The following SLC25A48 variants were observed in gnomAD, a reference collection of about 807,000 sequenced individuals.
SLC25A48 encodes the protein CTC-321K16.1.
A neutral mutation model predicts 32.2 loss-of-function variants in SLC25A48; 29 were observed. The ratio of observed to expected loss-of-function variants is 0.90; its 90% CI spans 0.67 to 1.23. The LOEUF (loss-of-function observed/expected upper bound fraction) is 1.23, where lower values mean the gene tolerates loss of function less well. Among genes scored for constraint, SLC25A48 ranks in the 50% most tolerant of loss-of-function variants. The probability of loss-of-function intolerance (pLI) is 0.00; values close to 1 mark genes in which losing one functional copy is unlikely to be tolerated. For synonymous variants in SLC25A48, 164 were observed against 172.3 expected, an observed-to-expected ratio of 0.95 and a Z score of 0.38; for missense variants, 399 against 422.7, an observed-to-expected ratio of 0.94 and a Z score of 0.49.
chr5:135,829,002 G>C (rs1758137151), intron 4 of SLC25A48, among the ~76,000 whole-genome samples: 1 of 152,144 alleles, frequency 6.6e-6, no homozygotes, highest in Non-Finnish European at 1.5e-5. Context: ...GAGACTTCTG[G>C]GTTCTGCCCT....
At chr5:135,604,798 G>GCAGCCC (rs143483555) in intron 1 of SLC25A48, among the ~76,000 whole-genome samples, 2,095 of 152,318 alleles carry the variant, frequency 0.014, 43 homozygotes, top group African/African-American at 0.047. Flanking sequence ...GTCCACAGCA[G>GCAGCCC]CAGCCCAGTG....
intron 3 of SLC25A48, among the ~76,000 whole-genome samples, chr5:135,667,323 G>A (rs1037621337): frequency 1.8e-4 from 27 of 152,144 alleles, no homozygotes; most frequent in African/African-American, 5.6e-4. Context: ...GATTGCCTGC[G>A]TGTCCTGCAA....
At position 135,780,204 on chromosome 5, in the gene SLC25A48, A is replaced by G. The variant is rs1432782315; in HGVS notation, c.-520-32319A>G. On this transcript the variant is annotated intron_variant, in intron 3 of 10. Transcript: ENST00000646290. ...TTTTTTTGAGACATTCTCCTGCCTCAGCCTCTCAAGTAGCTGGGACTACAG... is the reference window on the plus strand; with the variant it reads ...TTTTTTTGAGACATTCTCCTGCCTCGGCCTCTCAAGTAGCTGGGACTACAG... Among the ~76,000 whole-genome samples the G allele has an allele frequency of 1.1e-4, 8 of 73,020 alleles. 3 individuals are homozygous for G. The highest frequency in any genetic ancestry group is 2.4e-4 in the Non-Finnish European group (8 of 33,752). The allele number at this position is 73,020 out of a possible 152,430, so 47.9% of individuals were successfully genotyped here.
chr5:135,737,214 C>T lies in SLC25A48; in HGVS notation c.-520-75309C>T, dbSNP rs150672169. Among the ~76,000 whole-genome samples the T allele has an allele frequency of 5.2e-3, 780 of 149,242 alleles. 7 individuals carry two copies. The highest frequency in any genetic ancestry group is 0.018 in the African/African-American group (726 of 40,262). ...TCAGTGAAGGGAGATGGGGTGGGGC[C>T]GTTTTATAGGATTTGGGTAGGTAGT... is the stretch of plus-strand genomic sequence containing the variant. On this transcript the variant is annotated intron_variant, in intron 3 of 10. Coordinates refer to the SLC25A48 transcript ENST00000646290.
intron 1 of SLC25A48, among the ~76,000 whole-genome samples, chr5:135,580,849 C>G (rs1032686885): frequency 6.6e-6 from 1 of 152,146 alleles, no homozygotes; most frequent in Admixed American, 6.5e-5. Context: ...TGCATGTAGT[C>G]TTTAATAACC....
intron 1 of SLC25A48, among the ~76,000 whole-genome samples, chr5:135,625,785 ACT>A (rs1296278299): frequency 1.3e-5 from 2 of 151,530 alleles, no homozygotes; most frequent in Middle Eastern, 3.2e-3. Context: ...ACCACCCTAG[ACT>A]CTCTCCTATA....
At chr5:135,852,964 C>T (rs1195690826) in intron 4 of SLC25A48, 143 bp downstream of exon 4, 6 of 1,156,028 alleles carry the variant, frequency 5.2e-6, no homozygotes, top group Non-Finnish European at 7.2e-6. Context: ...TACAGGCATA[C>T]CTCGGAGACA....
At chr5:135,724,844 G>T (rs1755051253) in intron 3 of SLC25A48, among the ~76,000 whole-genome samples, 1 of 152,230 alleles carries the variant, frequency 6.6e-6, no homozygotes, top group Non-Finnish European at 1.5e-5. Flanking sequence ...GACAGCCCAT[G>T]GCAGAAACTG....
intron 2 of SLC25A48, among the ~76,000 whole-genome samples, chr5:135,630,183 G>A (rs747784949): frequency 1.3e-5 from 2 of 152,174 alleles, no homozygotes; most frequent in Non-Finnish European, 2.9e-5. Flanking sequence ...TGCTGATGTG[G>A]AGCCTGTCTG....
chr5:135,665,641 G>T (rs1047114092), intron 3 of SLC25A48, among the ~76,000 whole-genome samples: 5 of 151,898 alleles, frequency 3.3e-5, no homozygotes, highest in Non-Finnish European at 7.4e-5. Context: ...TTTACATGTG[G>T]CTAGCAAGTT....
At chr5:135,683,092 A>G (rs1226777335) in intron 3 of SLC25A48, among the ~76,000 whole-genome samples, 1 of 152,146 alleles carries the variant, frequency 6.6e-6, no homozygotes, top group Non-Finnish European at 1.5e-5. Context: ...TCCACTGTTA[A>G]CACTGCTTCC....
At chr5:135,795,525 A>G (rs1158498820) in intron 3 of SLC25A48, among the ~76,000 whole-genome samples, 1 of 151,704 alleles carries the variant, frequency 6.6e-6, no homozygotes, top group Non-Finnish European at 1.5e-5. Context: ...GAGGAAAGAG[A>G]TTGATATTAC....
chr5:135,845,965 G>A (rs1264830967), intron 2 of SLC25A48, among the ~76,000 whole-genome samples: 6 of 152,152 alleles, frequency 3.9e-5, no homozygotes, highest in African/African-American at 9.7e-5. Flanking sequence ...TCTAGACCAG[G>A]GGTCCCCAAC....
intron 3 of SLC25A48, among the ~76,000 whole-genome samples, chr5:135,787,545 A>G (rs1255616813): frequency 6.6e-6 from 1 of 151,694 alleles, no homozygotes; most frequent in Non-Finnish European, 1.5e-5. Context: ...GGGTGATGTT[A>G]CTCCTATTTT....
intron 1 of SLC25A48, among the ~76,000 whole-genome samples, chr5:135,595,661 C>T (rs1339002066): frequency 6.6e-6 from 1 of 152,128 alleles, no homozygotes; most frequent in African/African-American, 2.4e-5. Context: ...CATGCTAGCT[C>T]TGTTTCTTAG....
At chr5:135,698,299 G>T (rs1754313869) in intron 3 of SLC25A48, among the ~76,000 whole-genome samples, 1 of 152,204 alleles carries the variant, frequency 6.6e-6, no homozygotes, top group African/African-American at 2.4e-5. Flanking sequence ...AGTGCCCCAT[G>T]GTTGGACACA....
intron 3 of SLC25A48, among the ~76,000 whole-genome samples, chr5:135,670,350 T>A (rs1753625697): frequency 1.3e-5 from 2 of 152,174 alleles, no homozygotes; most frequent in Non-Finnish European, 2.9e-5. Context: ...GTGCAAGCTC[T>A]TTTCAGTTTT....
At chr5:135,839,738 C>T (rs113303061) in intron 1 of SLC25A48, among the ~76,000 whole-genome samples, 1 of 152,116 alleles carries the variant, frequency 6.6e-6, no homozygotes, top group Non-Finnish European at 1.5e-5. Flanking sequence ...ATGGGAGAGA[C>T]CCATGTGTCA....
chr5:135,796,106 C>T lies in SLC25A48; in HGVS notation c.-520-16417C>T, dbSNP rs529123714. 2.0e-5 allele frequency among the ~76,000 whole-genome samples: 3 copies of T among 150,242 alleles called. No homozygotes were observed. In the East Asian group the frequency reaches 6.0e-4, roughly 30 times the overall value. On this transcript the variant is annotated intron_variant, in intron 3 of 10. Coordinates refer to the SLC25A48 transcript ENST00000646290. ...ACCACTTATCACAGGGGGTGTACAG[C>T]CCCCCTGATATGTTTCACAATATCC...
Sources: gnomAD v4.1 joint callset for allele counts (sites outside exome capture counted in the v4.1 genomes callset) on GRCh38, gnomAD v4.1.1 for gene constraint, MANE v1.5 for transcripts, NCBI Gene and HGNC (gene_info 2026-07-23, HGNC 2026-07-21) for gene names.